Variants in SIL1 observed in about 807,000 individuals in gnomAD.
SIL1 encodes the protein SIL1 nucleotide exchange factor.
In SIL1, 40 loss-of-function variants were observed where a neutral mutation model predicts 49.1. That is an observed-to-expected ratio of 0.81 (90% confidence interval 0.63 to 1.06). The LOEUF is 1.06. Among genes scored for constraint, SIL1 ranks in the 50% least tolerant of loss-of-function variants. SIL1 has a pLI of 0.00. For missense variants in SIL1, 500 were observed against 572.6 expected, an observed-to-expected ratio of 0.87 and a Z score of 1.29; for synonymous variants, 253 against 250.8, an observed-to-expected ratio of 1.01 and a Z score of -0.08.
intron 1 of SIL1, among the ~76,000 whole-genome samples, chr5:139,147,719 A>C (rs1179797280): frequency 6.6e-6 from 1 of 152,276 alleles, no homozygotes; most frequent in Non-Finnish European, 1.5e-5. Flanking sequence ...CAACTGCAGT[A>C]ACCAAACTTA....
At chr5:138,956,822 A>G (rs1766913779) in intron 7 of SIL1, among the ~76,000 whole-genome samples, 1 of 152,142 alleles carries the variant, frequency 6.6e-6, no homozygotes, top group African/African-American at 2.4e-5. Context: ...AAAACAAAAA[A>G]CAAAACAAAA....
intron 7 of SIL1, among the ~76,000 whole-genome samples, chr5:138,971,576 C>A (rs905777822): frequency 3.3e-5 from 5 of 152,170 alleles, no homozygotes; most frequent in Non-Finnish European, 7.4e-5. Context: ...AGATTAACTC[C>A]CCTGAACCTG....
intron 1 of SIL1, among the ~76,000 whole-genome samples, chr5:139,145,917 A>T (rs927362606): frequency 2.6e-5 from 4 of 151,776 alleles, no homozygotes; most frequent in Non-Finnish European, 5.9e-5. Flanking sequence ...AAAAAAAAAA[A>T]TAAAGAGGCA....
At position 139,174,161 on chromosome 5, in the gene SIL1, T is replaced by C. The variant is rs368604739; in HGVS notation, c.-11+24108A>G. On this transcript the variant is annotated intron_variant, in intron 1 of 9. Coordinates refer to ENST00000394817, the MANE Select transcript of SIL1 (RefSeq NM_022464.5). ...AATCAACAAACCTAAAAGGTGGTTA[T>C]GCAAAAAAGATCACCAAAATTGACA... is the stretch of plus-strand genomic sequence containing the variant. 2.5e-4 allele frequency among the ~76,000 whole-genome samples: 38 copies of C among 152,200 alleles called. No individual in the cohort carries two copies. The East Asian group carries it at 4.8e-3, about 19-fold the overall frequency.
chr5:139,035,275 C>T, intron 5 of SIL1: 1 of 515,606 alleles, frequency 1.9e-6, no homozygotes, highest in Non-Finnish European at 3.8e-6. Flanking sequence ...CTAGAGAGTT[C>T]TCTGGCTAAA....
At chr5:139,123,255 G>A (rs1750681964) in intron 2 of SIL1, among the ~76,000 whole-genome samples, 1 of 152,184 alleles carries the variant, frequency 6.6e-6, no homozygotes, top group Non-Finnish European at 1.5e-5. Context: ...AAGAATAGGT[G>A]TGCTTATGAG....
intron 7 of SIL1, among the ~76,000 whole-genome samples, chr5:138,982,237 C>T (rs949747004): frequency 2.6e-5 from 4 of 152,192 alleles, no homozygotes; most frequent in African/African-American, 9.7e-5. Flanking sequence ...GTCAAATGAG[C>T]TGGCTTCCCT....
rs114738196 is a variant in SIL1, at chr5:139,150,053, C to T, written c.-10-22200G>A. On this transcript the variant is annotated intron_variant, in intron 1 of 9. Coordinates refer to ENST00000394817, the MANE Select transcript of SIL1 (RefSeq NM_022464.5). ...GTGACCTCTGATTATGAATTCATTC[C>T]TGGCAGCTCAGTGGTTTGTTAGCTC... Among the ~76,000 whole-genome samples, 356 of 152,330 alleles carry T rather than the reference C, an allele frequency of 2.3e-3. 3 individuals are homozygous for T. Among genetic ancestry groups the T allele is most frequent in the African/African-American group, 8.2e-3 (341 of 41,570 alleles).
At chr5:139,029,412 C>A (rs1156847875) in intron 5 of SIL1, among the ~76,000 whole-genome samples, 2 of 152,170 alleles carry the variant, frequency 1.3e-5, no homozygotes, top group African/African-American at 4.8e-5. Flanking sequence ...AATTTCACAA[C>A]ATTGAAAGTA....
At chr5:139,122,757 C>T (rs1268752719) in intron 2 of SIL1, among the ~76,000 whole-genome samples, 1 of 152,088 alleles carries the variant, frequency 6.6e-6, no homozygotes, top group Non-Finnish European at 1.5e-5. Context: ...GAAATAAAGG[C>T]ATGAAATTTA....
chr5:139,113,303 AAT>A (rs1325941576), intron 3 of SIL1, among the ~76,000 whole-genome samples: 2 of 148,498 alleles, frequency 1.3e-5, no homozygotes, highest in Non-Finnish European at 3.0e-5. Flanking sequence ...TAAAAAATAA[AAT>A]AAAAAATAAA....
chr5:138,984,328 C>T (rs1027271807), intron 7 of SIL1, among the ~76,000 whole-genome samples: 6 of 129,208 alleles, frequency 4.6e-5, no homozygotes, highest in South Asian at 5.2e-4. Context: ...CCCTCTCTTA[C>T]GGTGTTTTTT....
rs540454111 is a variant in SIL1, at chr5:139,111,616, T to C, written c.244+9419A>G. On this transcript the variant is annotated intron_variant, in intron 3 of 9. Coordinates refer to ENST00000394817, the MANE Select transcript of SIL1 (RefSeq NM_022464.5). ...ATGGTATCCCTGGCATCAAGCACTATACTTCCAGGAGTTCAACAAATGGAA... is the reference window on the plus strand; with the variant it reads ...ATGGTATCCCTGGCATCAAGCACTACACTTCCAGGAGTTCAACAAATGGAA... Among the ~76,000 whole-genome samples the C allele has an allele frequency of 2.6e-5, 4 of 152,316 alleles. No individual in the cohort carries two copies. In the South Asian group the frequency reaches 6.2e-4, roughly 24 times the overall value.
chr5:139,181,501 G>T (rs984269421), intron 1 of SIL1, among the ~76,000 whole-genome samples: 3 of 152,206 alleles, frequency 2.0e-5, no homozygotes, highest in Non-Finnish European at 4.4e-5. Flanking sequence ...AAGAAGCACA[G>T]GAAAATGCAT....
chr5:138,998,545 G>A (rs191180912), intron 7 of SIL1, among the ~76,000 whole-genome samples: 31 of 152,172 alleles, frequency 2.0e-4, no homozygotes, highest in East Asian at 1.5e-3. Context: ...GCATGGTGTC[G>A]GCATCTGATT....
intron 1 of SIL1, among the ~76,000 whole-genome samples, chr5:139,146,751 T>A (rs954624559): frequency 6.6e-6 from 1 of 152,198 alleles, no homozygotes; most frequent in African/African-American, 2.4e-5. Context: ...GATGATCATA[T>A]AGTTTTACCT....
intron 7 of SIL1, among the ~76,000 whole-genome samples, chr5:138,964,297 G>T (rs568859655): frequency 2.0e-4 from 31 of 152,164 alleles, no homozygotes; most frequent in Non-Finnish European, 4.3e-4. Context: ...CATAGTTCCT[G>T]TCTCTATCAG....
At chr5:139,143,928 AAAG>A (rs1220310828) in intron 1 of SIL1, among the ~76,000 whole-genome samples, 1 of 152,238 alleles carries the variant, frequency 6.6e-6, no homozygotes, top group African/African-American at 2.4e-5. Context: ...TGAAGAAATA[AAAG>A]AAGATCTCCA....
chr5:138,994,276 CTAA>C (rs1767817012), intron 7 of SIL1, among the ~76,000 whole-genome samples: 1 of 152,068 alleles, frequency 6.6e-6, no homozygotes, highest in Admixed American at 6.6e-5. Flanking sequence ...ACTATTAGAA[CTAA>C]TAAGACATCA....
Sources: allele counts gnomAD v4.1 joint callset (sites outside exome capture counted in the v4.1 genomes callset), GRCh38; gene constraint gnomAD v4.1.1; transcripts MANE v1.5; gene names NCBI Gene and HGNC (gene_info 2026-07-23, HGNC 2026-07-21).